ZBTB46: variants seen among roughly 807,000 people sequenced by gnomAD.
The protein encoded by ZBTB46 is zinc finger and BTB domain-containing protein 46.
ZBTB46 carries 8 observed loss-of-function variants against 44.1 expected under a neutral mutation model. The observed-to-expected ratio is 0.18, with a 90% confidence interval of 0.11 to 0.33. The LOEUF is 0.33. Among genes scored for constraint, ZBTB46 ranks in the 10% least tolerant of loss-of-function variants. The probability of loss-of-function intolerance (pLI) is 1.00; values close to 1 mark genes in which losing one functional copy is unlikely to be tolerated. For missense variants in ZBTB46, 651 were observed against 847.7 expected (o/e 0.77, Z 2.88); for synonymous variants, 409 against 382.3 (o/e 1.07, Z -0.81).
At chr20:63,819,986 C>T (rs557971127) in intron 1 of ZBTB46, among the ~76,000 whole-genome samples, 33 of 152,288 alleles carry the variant, frequency 2.2e-4, no homozygotes, top group Non-Finnish European at 4.0e-4. Flanking sequence ...CCGTAGGCAG[C>T]GAAACATAAC....
chr20:63,806,105 G>A (rs2092679674), intron 1 of ZBTB46, among the ~76,000 whole-genome samples: 1 of 150,710 alleles, frequency 6.6e-6, no homozygotes, highest in Non-Finnish European at 1.5e-5. Flanking sequence ...AATTTTCTCA[G>A]AAAGCTAATC....
rs143247287 is a variant in ZBTB46, at chr20:63,757,341, T to G, written c.1223-4480A>C. ...TTTCGCCATGTTGGCCAGGCTGGTC[T>G]CGAACTCCTGACCTCAGGTGATCCA... is the stretch of plus-strand genomic sequence containing the variant. On this transcript the variant is annotated intron_variant, in intron 3 of 4. Coordinates refer to ENST00000245663, the MANE Select transcript of ZBTB46 (RefSeq NM_001369741.1). Among the ~76,000 whole-genome samples, 845 of 152,286 alleles carry G rather than the reference T, an allele frequency of 5.5e-3. 7 individuals carry two copies. Among genetic ancestry groups the G allele is most frequent in the African/African-American group, 0.019 (789 of 41,552 alleles).
chr20:63,756,993 G>A (rs1480723788), intron 3 of ZBTB46, among the ~76,000 whole-genome samples: 1 of 152,230 alleles, frequency 6.6e-6, no homozygotes, highest in Non-Finnish European at 1.5e-5. Flanking sequence ...GGCATGCCCT[G>A]GCGGGGAAGG....
chr20:63,765,726 A>AGC, intron 3 of ZBTB46, among the ~76,000 whole-genome samples: 2 of 4,862 alleles, frequency 4.1e-4, no homozygotes, highest in Non-Finnish European at 4.6e-4. Context: ...CATTGCACCC[A>AGC]CTTCATATGC....
At position 63,747,007 on chromosome 20, in the gene ZBTB46, C is replaced by G; in HGVS notation, c.1693G>C (p.Asp565His). 1.2e-6 allele frequency: 2 copies of G among 1,607,990 alleles called. No individual in the cohort carries two copies. The highest frequency in any genetic ancestry group is 1.7e-6 in the Non-Finnish European group (2 of 1,179,530). The change falls in exon 5 of 5, where the codon GAC (aspartate) becomes CAC (histidine). Residue 565 changes from aspartate (D) to histidine (H), a missense_variant. By Grantham distance (81) the Asp-to-His change is moderately conservative. Coordinates refer to ENST00000245663, the MANE Select transcript of ZBTB46 (RefSeq NM_001369741.1). The part of the protein sequence containing the change: ...LAPEDALLAD[D>H]KDEEDSPRPR... ...CGCGGCGAGTCTTCCTCATCCTTGT[C>G]GTCCGCCAACAGCGCATCCTCAGGG...
chr20:63,801,628 G>GT (rs1259733456), intron 1 of ZBTB46, among the ~76,000 whole-genome samples: 3 of 152,148 alleles, frequency 2.0e-5, no homozygotes, highest in African/African-American at 7.2e-5. Context: ...AAGACTCACC[G>GT]TGAAGGTCTG....
intron 3 of ZBTB46, among the ~76,000 whole-genome samples, chr20:63,772,268 T>C (rs1209692742): frequency 1.3e-5 from 2 of 151,850 alleles, no homozygotes; most frequent in African/African-American, 4.8e-5. Flanking sequence ...AGTGCTGAGA[T>C]TACAGGTGTG....
At chr20:63,791,513 A>C (rs943022134) in intron 1 of ZBTB46, among the ~76,000 whole-genome samples, 1 of 151,860 alleles carries the variant, frequency 6.6e-6, no homozygotes, top group Admixed American at 6.6e-5. Flanking sequence ...AAAAAAAAAA[A>C]AAAAAACTTC....
intron 2 of ZBTB46, among the ~76,000 whole-genome samples, chr20:63,778,633 T>A (rs566374382): frequency 3.3e-5 from 5 of 151,538 alleles, no homozygotes; most frequent in African/African-American, 9.7e-5. Context: ...CGGGTGGGAG[T>A]CTCCAGGGAC....
intron 1 of ZBTB46, among the ~76,000 whole-genome samples, chr20:63,815,698 CA>C: frequency 7.0e-6 from 1 of 143,634 alleles, no homozygotes; most frequent in African/African-American, 2.6e-5. Flanking sequence ...AGTGCAGGTG[CA>C]GGTGGGCGCA....
chr20:63,766,639 A>C (rs1485457183), intron 3 of ZBTB46, among the ~76,000 whole-genome samples: 2 of 152,102 alleles, frequency 1.3e-5, no homozygotes, highest in Non-Finnish European at 2.9e-5. Flanking sequence ...GCCTGTGTGG[A>C]CTGCTCTCCC....
At chr20:63,774,861 G>A (rs1282229315) in intron 3 of ZBTB46, among the ~76,000 whole-genome samples, 1 of 151,810 alleles carries the variant, frequency 6.6e-6, no homozygotes, top group African/African-American at 2.4e-5. Flanking sequence ...CCGCCACCAC[G>A]CCCGGCTAAT....
Position 63,803,401 on chromosome 20 carries a change from T to C in ZBTB46, c.-33-12611A>G, listed in dbSNP as rs2092661741. On this transcript the variant is annotated intron_variant, in intron 1 of 4. Coordinates refer to ENST00000245663, the MANE Select transcript of ZBTB46 (RefSeq NM_001369741.1). The surrounding 1 kb of genome is among the most constrained non-coding windows in gnomAD (Gnocchi z 4.0). The stretch of plus-strand genomic sequence containing the variant: ...CCTGACTAGAAAACACTCCAAGACA[T>C]GTTAGCAGAGTCGTCTTTCGACAGC... The C allele has an allele frequency of 2.0e-6, 2 of 985,426 alleles. No individual in the cohort carries two copies. The highest frequency in any genetic ancestry group is 1.1e-4 in the East Asian group (1 of 8,820). 61.0% of individuals were successfully genotyped at this position (985,426 alleles called of 1,614,324 possible).
chr20:63,814,775 C>G (rs1601529323), intron 1 of ZBTB46: 1 of 152,558 alleles, frequency 6.6e-6, no homozygotes, highest in African/African-American at 2.4e-5. Context: ...TCAGATGCAC[C>G]ATTCACAATG....
chr20:63,771,165 G>C (rs954149290), intron 3 of ZBTB46, among the ~76,000 whole-genome samples: 1 of 152,166 alleles, frequency 6.6e-6, no homozygotes, highest in Non-Finnish European at 1.5e-5. Flanking sequence ...GGGGACCCTC[G>C]CCCAGCCGAG....
At chr20:63,810,902 G>C (rs973698206) in intron 1 of ZBTB46, among the ~76,000 whole-genome samples, 10 of 152,328 alleles carry the variant, frequency 6.6e-5, no homozygotes, top group Admixed American at 2.6e-4. Flanking sequence ...TCACTCCTAC[G>C]AGGAGCTCCA....
At chr20:63,785,347 G>A (rs2092506255) in intron 2 of ZBTB46, among the ~76,000 whole-genome samples, 2 of 151,584 alleles carry the variant, frequency 1.3e-5, no homozygotes, top group African/African-American at 2.4e-5. Flanking sequence ...GACCGCTTGA[G>A]GTCAGGAGTT....
At chr20:63,811,385 C>G (rs537131330) in intron 1 of ZBTB46, among the ~76,000 whole-genome samples, 1 of 152,222 alleles carries the variant, frequency 6.6e-6, no homozygotes, top group Admixed American at 6.5e-5. Context: ...ACCTCTCATA[C>G]AGAAGACACT....
intron 2 of ZBTB46, among the ~76,000 whole-genome samples, chr20:63,776,523 G>A (rs905582768): frequency 3.9e-5 from 6 of 152,356 alleles, no homozygotes; most frequent in Admixed American, 2.6e-4. Flanking sequence ...AGAAAGTGAC[G>A]CCGGGTGCGG....
Sources: allele counts gnomAD v4.1 joint callset (sites outside exome capture counted in the v4.1 genomes callset), GRCh38; gene constraint gnomAD v4.1.1; non-coding constraint Gnocchi (gnomAD v3.1); transcripts MANE v1.5; gene names NCBI Gene and HGNC (gene_info 2026-07-23, HGNC 2026-07-21).